The following OSBPL1A variants were observed in gnomAD, a reference collection of about 807,000 sequenced individuals.
The protein encoded by OSBPL1A is oxysterol binding protein like 1A.
In OSBPL1A, 80 loss-of-function variants were observed where a neutral mutation model predicts 137.1. The observed-to-expected ratio is 0.58, with a 90% CI of 0.49 to 0.70. The LOEUF (loss-of-function observed/expected upper bound fraction) is 0.70. OSBPL1A is among the 30% of genes least tolerant of loss of function. OSBPL1A has a pLI of 0.00. For missense variants in OSBPL1A, 970 were observed against 1,129.4 expected, an observed-to-expected ratio of 0.86 and a Z score of 2.02; for synonymous variants, 365 against 389.7, an observed-to-expected ratio of 0.94 and a Z score of 0.75.
intron 7 of OSBPL1A, among the ~76,000 whole-genome samples, chr18:24,323,557 T>A (rs2090910983): frequency 1.8e-5 from 1 of 55,136 alleles, no homozygotes; most frequent in Admixed American, 1.2e-4. Context: ...TTTTTTTTTT[T>A]TTTTATTATA....
intron 1 of OSBPL1A, among the ~76,000 whole-genome samples, chr18:24,384,909 T>C (rs112870290): frequency 0.012 from 1,787 of 149,274 alleles, 33 homozygotes; most frequent in African/African-American, 0.042. Flanking sequence ...AAAAAGAAAG[T>C]AGTTAATCAA....
chr18:24,199,688 GACTATTACT>G (rs1203824533), intron 17 of OSBPL1A, among the ~76,000 whole-genome samples: 4 of 152,198 alleles, frequency 2.6e-5, no homozygotes, highest in Non-Finnish European at 5.9e-5. Flanking sequence ...AAGAGAGAAG[GACTATTACT>G]GCAGGTGAAT....
intron 15 of OSBPL1A, among the ~76,000 whole-genome samples, chr18:24,270,983 AAAC>A (rs765383777): frequency 5.9e-5 from 9 of 152,150 alleles, no homozygotes; most frequent in Non-Finnish European, 1.0e-4. Flanking sequence ...AGAAAGCACA[AAAC>A]AACTAGCCAC....
chr18:24,334,476 C>T (rs1433791976), intron 5 of OSBPL1A, 146 bp from the exon 6 acceptor site: 7 of 537,748 alleles, frequency 1.3e-5, no homozygotes, highest in African/African-American at 2.0e-5. Context: ...TATTACCTTA[C>T]AATTCAGATT....
chr18:24,379,330 G>T (rs113080421), intron 1 of OSBPL1A, among the ~76,000 whole-genome samples: 6,587 of 152,056 alleles, frequency 0.043, 462 homozygotes, highest in African/African-American at 0.15. Flanking sequence ...GACCAGCCTG[G>T]ACAACATGGT....
intron 15 of OSBPL1A, among the ~76,000 whole-genome samples, chr18:24,258,302 T>G (rs911072326): frequency 2.6e-5 from 4 of 152,050 alleles, no homozygotes; most frequent in African/African-American, 9.7e-5. Context: ...AAGAACAAGA[T>G]CCTATCATTT....
chr18:24,292,231 T>C (rs1487573727), intron 14 of OSBPL1A, among the ~76,000 whole-genome samples: 1 of 152,022 alleles, frequency 6.6e-6, no homozygotes, highest in Non-Finnish European at 1.5e-5. Context: ...AATGAAAGAA[T>C]TACTCAAAGA....
intron 1 of OSBPL1A, among the ~76,000 whole-genome samples, chr18:24,384,644 C>T (rs1371165246): frequency 6.6e-6 from 1 of 151,912 alleles, no homozygotes; most frequent in Non-Finnish European, 1.5e-5. Flanking sequence ...CCAAGATGGG[C>T]GGATCACCTG....
intron 14 of OSBPL1A, among the ~76,000 whole-genome samples, chr18:24,294,606 T>C (rs954684998): frequency 2.6e-5 from 4 of 152,158 alleles, no homozygotes; most frequent in Non-Finnish European, 4.4e-5. Context: ...ACTCTAAGTC[T>C]CTGCATCCTC....
At chr18:24,352,557 A>G (rs9957563) in intron 4 of OSBPL1A, among the ~76,000 whole-genome samples, 97,681 of 151,142 alleles carry the variant, frequency 0.65, 32,097 homozygotes, top group East Asian at 0.82. Context: ...CAGAACTGGA[A>G]AAAACTACTT....
At chr18:24,284,338 A>G (rs2090026552) in intron 14 of OSBPL1A, among the ~76,000 whole-genome samples, 3 of 152,216 alleles carry the variant, frequency 2.0e-5, no homozygotes, top group African/African-American at 7.2e-5. Flanking sequence ...AAACGCAAAA[A>G]GGCCAGTATG....
intron 2 of OSBPL1A, among the ~76,000 whole-genome samples, chr18:24,375,751 G>A (rs939857427): frequency 3.9e-5 from 6 of 152,124 alleles, no homozygotes; most frequent in African/African-American, 1.4e-4. Context: ...GGGATCCCAT[G>A]TGTCTCTTCA....
chr18:24,386,857 C>G (rs1391016468), intron 1 of OSBPL1A, among the ~76,000 whole-genome samples: 1 of 151,824 alleles, frequency 6.6e-6, no homozygotes, highest in African/African-American at 2.4e-5. Flanking sequence ...CTCAGGAAGC[C>G]GAGGTGGAAA....
At position 24,272,565 on chromosome 18, in the gene OSBPL1A, G is replaced by A. The variant is rs767394501; in HGVS notation, c.1281+8277C>T. On this transcript the variant is annotated intron_variant, in intron 15 of 27. Coordinates refer to ENST00000319481, the MANE Select transcript of OSBPL1A (RefSeq NM_080597.4). Reference sequence around the variant, plus strand: ...CCCACCACCCAAATACCACACTTAAGTGGGATGTTCAGGTTAATGAAATTT... The same window carrying A: ...CCCACCACCCAAATACCACACTTAAATGGGATGTTCAGGTTAATGAAATTT... Among the ~76,000 whole-genome samples, 73 of 152,148 alleles carry A rather than the reference G, an allele frequency of 4.8e-4. 1 individual carries two copies. The highest frequency in any genetic ancestry group is 5.9e-4 in the Admixed American group (9 of 15,278).
chr18:24,350,507 G>A (rs2146170479), intron 4 of OSBPL1A, among the ~76,000 whole-genome samples: 1 of 152,186 alleles, frequency 6.6e-6, no homozygotes, highest in African/African-American at 2.4e-5. Context: ...GCCCAGGCTG[G>A]CCTCAAACTC....
At chr18:24,381,153 G>A (rs1307221536) in intron 1 of OSBPL1A, among the ~76,000 whole-genome samples, 2 of 152,312 alleles carry the variant, frequency 1.3e-5, no homozygotes, top group Admixed American at 6.5e-5. Context: ...GGGGAAGAGA[G>A]CTTGAGCTCA....
chr18:24,212,682 A>G (rs566480928), intron 17 of OSBPL1A, among the ~76,000 whole-genome samples: 114 of 152,330 alleles, frequency 7.5e-4, no homozygotes, highest in African/African-American at 2.7e-3. Context: ...TCCAAAGGTG[A>G]TAAGATGTAT....
chr18:24,260,837 C>CAAAAAAAAAAAAAAAAAAAAAA lies in OSBPL1A; in HGVS notation c.1281+20004_1281+20005insTTTTTTTTTTTTTTTTTTTTTT. Reference sequence around the variant, plus strand: ...TTTTTCCCCAAAGTTTAAAAGAACTCAAAAAAAAAAAAAAAAGACAAACAT... The same window carrying CAAAAAAAAAAAAAAAAAAAAAA: ...TTTTTCCCCAAAGTTTAAAAGAACTCAAAAAAAAAAAAAAAAAAAAAAAAAAAAAAAAAAAAAAGACAAACAT... On this transcript the variant is annotated intron_variant, in intron 15 of 27. Coordinates refer to ENST00000319481, the MANE Select transcript of OSBPL1A (RefSeq NM_080597.4). 1.7e-5 allele frequency among the ~76,000 whole-genome samples: 2 copies of CAAAAAAAAAAAAAAAAAAAAAA among 120,458 alleles called. 1 individual carries two copies. The highest frequency in any genetic ancestry group is 6.2e-5 in the African/African-American group (2 of 32,464). 79.0% of individuals were successfully genotyped at this position (120,458 alleles called of 152,430 possible).
chr18:24,245,578 G>A lies in OSBPL1A; in HGVS notation c.1282-6196C>T, dbSNP rs185822748. Among the ~76,000 whole-genome samples the A allele has an allele frequency of 3.7e-4, 57 of 152,294 alleles. 2 individuals carry two copies. In the East Asian group the frequency reaches 8.5e-3, roughly 23 times the overall value. ...TTATATTGTTAAGGTAGAGGAGGAT[G>A]GAGCTCCCATGTGGATGCAAATGGT... On this transcript the variant is annotated intron_variant, in intron 15 of 27. Coordinates refer to ENST00000319481, the MANE Select transcript of OSBPL1A (RefSeq NM_080597.4).
Sources: gnomAD v4.1 joint callset for allele counts (sites outside exome capture counted in the v4.1 genomes callset) on GRCh38, gnomAD v4.1.1 for gene constraint, MANE v1.5 for transcripts, NCBI Gene and HGNC (gene_info 2026-07-23, HGNC 2026-07-21) for gene names.